TACC1: variants seen among roughly 807,000 people sequenced by gnomAD.
TACC1 encodes transforming acidic coiled-coil-containing protein 1.
A neutral mutation model predicts 84.4 loss-of-function variants in TACC1; 48 were observed. The observed-to-expected ratio is 0.57, with a 90% confidence interval of 0.45 to 0.72. The LOEUF is 0.72. Among genes scored for constraint, TACC1 ranks in the 30% least tolerant of loss-of-function variants. The pLI is 0.00. For synonymous variants in TACC1, 372 were observed against 376.3 expected (o/e 0.99, Z 0.13); for missense variants, 920 against 973.0 (o/e 0.95, Z 0.72).
intron 2 of TACC1, among the ~76,000 whole-genome samples, chr8:38,814,619 T>G (rs1824997280): frequency 6.6e-6 from 1 of 152,138 alleles, no homozygotes; most frequent in Non-Finnish European, 1.5e-5. Context: ...AATGATGAAA[T>G]CACCTAATGA....
Position 38,843,348 on chromosome 8 carries a change from G to A in TACC1, c.2181G>A (p.Glu727=), listed in dbSNP as rs1198546561. 4 of 1,609,678 alleles carry A rather than the reference G, an allele frequency of 2.5e-6. No homozygotes were observed. The highest frequency in any genetic ancestry group is 1.1e-5 in the South Asian group (1 of 90,300). ...ACTTAGCCAGAGTTAAACAAGAGGAGCAGCGATACCAGGCCCTGAAAATCC... is the reference window on the plus strand; with the variant it reads ...ACTTAGCCAGAGTTAAACAAGAGGAACAGCGATACCAGGCCCTGAAAATCC... ...QDYLARVKQE[E]QRYQALKIHA... is the part of the protein sequence containing the mutation. Residue 727 remains glutamate, a synonymous_variant, in exon 11 of 13, where the codon GAG becomes GAA. Transcript: ENST00000317827.
chr8:38,801,996 C>T (rs373601161), intron 2 of TACC1, among the ~76,000 whole-genome samples: 1 of 152,220 alleles, frequency 6.6e-6, no homozygotes, highest in Non-Finnish European at 1.5e-5. Context: ...TCACTGCAGC[C>T]TCAACCTCCC....
chr8:38,787,387 G>A lies in TACC1; in HGVS notation c.-196G>A, dbSNP rs1817484003. On this transcript the variant is annotated 5_prime_UTR_variant, in exon 1 of 13. Transcript: ENST00000317827. ...CCGCACCGTGAGGGGAGGAGGCCGA[G>A]GAGGACGCAGCGCCGGCTGCCGGCG... 4.4e-6 allele frequency: 6 copies of A among 1,354,214 alleles called. No homozygotes were observed. Among genetic ancestry groups the A allele is most frequent in the Admixed American group, 4.0e-5 (1 of 25,316 alleles). The allele number at this position is 1,354,214 out of a possible 1,614,324, so 83.9% of individuals were successfully genotyped here. A position where few individuals can be genotyped will look rare whatever the true frequency, so the allele number is the denominator to read the frequency against.
At chr8:38,831,895 C>T (rs1012605061) in intron 6 of TACC1, among the ~76,000 whole-genome samples, 1 of 152,024 alleles carries the variant, frequency 6.6e-6, no homozygotes, top group African/African-American at 2.4e-5. Flanking sequence ...CAACCTCCAC[C>T]TACTGGGTTC....
intron 3 of TACC1, among the ~76,000 whole-genome samples, chr8:38,759,468 G>A (rs1193826418): frequency 6.6e-6 from 1 of 152,232 alleles, no homozygotes; most frequent in East Asian, 1.9e-4. Flanking sequence ...GTAGGGTTCA[G>A]TTGTTAGGGT....
intron 11 of TACC1, chr8:38,846,456 T>A (rs535931856): frequency 9.3e-6 from 3 of 321,750 alleles, no homozygotes; most frequent in Non-Finnish European, 1.1e-5. Flanking sequence ...AAAAAAAAAA[T>A]CTAAGACTGT....
At chr8:38,742,966 T>C (rs1807366442) in intron 2 of TACC1, among the ~76,000 whole-genome samples, 1 of 152,198 alleles carries the variant, frequency 6.6e-6, no homozygotes, top group Non-Finnish European at 1.5e-5. Flanking sequence ...TCACCTGTCT[T>C]GACCTCCCAA....
At chr8:38,764,369 C>T (rs1191623753) in intron 3 of TACC1, among the ~76,000 whole-genome samples, 2 of 150,098 alleles carry the variant, frequency 1.3e-5, no homozygotes, top group Admixed American at 6.7e-5. Flanking sequence ...TGAGCCACTG[C>T]GCCTGGCCCA....
At chr8:38,774,342 C>T (rs1814353038) in intron 3 of TACC1, among the ~76,000 whole-genome samples, 1 of 152,128 alleles carries the variant, frequency 6.6e-6, no homozygotes, top group South Asian at 2.1e-4. Flanking sequence ...TCTATGAGGG[C>T]AGGAACTGGG....
At position 38,847,930 on chromosome 8, in the gene TACC1, C is replaced by T. The variant is rs917317856; in HGVS notation, c.2350-25C>T. 9 of 1,605,090 alleles carry T rather than the reference C, an allele frequency of 5.6e-6. No homozygotes were observed. In the African/African-American group the frequency reaches 1.2e-4, roughly 21 times the overall value. ...TTATTTCAGAATACAAAGTGGCCTG[C>T]ATAATTATGTCATTTGTCTTTCAGA... On this transcript the variant is annotated intron_variant, in intron 12 of 12. Coordinates refer to ENST00000317827, the MANE Select transcript of TACC1 (RefSeq NM_006283.3).
At chr8:38,781,331 G>A (rs1391821839) in intron 3 of TACC1, among the ~76,000 whole-genome samples, 1 of 151,910 alleles carries the variant, frequency 6.6e-6, no homozygotes, top group East Asian at 1.9e-4. Flanking sequence ...TTTTATTTTG[G>A]AGGTGGGGAA....
Position 38,819,825 on chromosome 8 carries a change from A to C in TACC1, c.581A>C (p.Glu194Ala). The change falls in exon 3 of 13, where the codon GAG (glutamate) becomes GCG (alanine). Residue 194 changes from glutamate to alanine, a missense_variant. By Grantham distance (107) the Glu-to-Ala change is moderately radical. Around this residue, in one of 2 missense-constraint regions of TACC1, gnomAD observed 762 missense variants for 747.3 expected, o/e 1.02. Coordinates refer to ENST00000317827, the MANE Select transcript of TACC1 (RefSeq NM_006283.3). ...AGCCCGCCAGACGCCCTCCAGGACG[A>C]GGCGATGACAGAAGGCAGCATGGGG... ...PSSPPDALQD[E>A]AMTEGSMGVT... 6.2e-7 allele frequency: 1 copy of C among 1,613,956 alleles called. No homozygotes were observed. The highest frequency in any genetic ancestry group is 8.5e-7 in the Non-Finnish European group (1 of 1,180,038).
intron 8 of TACC1, among the ~76,000 whole-genome samples, chr8:38,838,924 TCTCA>T (rs1588125033): frequency 6.6e-6 from 1 of 151,714 alleles, no homozygotes; most frequent in East Asian, 1.9e-4. Flanking sequence ...TGAGGCAGGG[TCTCA>T]CTCTGTCATC....
Position 38,730,466 on chromosome 8 carries a change from A to G in TACC1, c.-675+1795A>G, listed in dbSNP as rs948798839. Among the ~76,000 whole-genome samples the G allele has an allele frequency of 2.0e-5, 3 of 152,254 alleles. No individual in the cohort carries two copies. The South Asian group carries it at 6.2e-4, about 31-fold the overall frequency. On this transcript the variant is annotated intron_variant, in intron 1 of 14. Coordinates refer to the TACC1 transcript ENST00000518415. ...ATTATTGATCTTCCTTTATGATAACAGATTACTTATTGAGCCAGGCATGGG... is the reference window on the plus strand; with the variant it reads ...ATTATTGATCTTCCTTTATGATAACGGATTACTTATTGAGCCAGGCATGGG...
upstream of TACC1, among the ~76,000 whole-genome samples, chr8:38,782,809 C>T (rs1218128187): frequency 6.6e-6 from 1 of 152,062 alleles, no homozygotes; most frequent in African/African-American, 2.4e-5. Flanking sequence ...TTGTTTTCAA[C>T]TTTGGATTTG....
chr8:38,796,321 C>G lies in TACC1; in HGVS notation c.277+7502C>G, dbSNP rs562075884. Among the ~76,000 whole-genome samples, 4 of 152,240 alleles carry G rather than the reference C, an allele frequency of 2.6e-5. 1 individual carries two copies. The highest frequency in any genetic ancestry group is 6.8e-3 in the Middle Eastern group (2 of 294). On this transcript the variant is annotated intron_variant, in intron 2 of 12. Coordinates refer to ENST00000317827, the MANE Select transcript of TACC1 (RefSeq NM_006283.3). ...GGAACATATTATACAGCTTTTCTCTCCAGGAAATTTGTGAATCCCTCTCTG... is the reference window on the plus strand; with the variant it reads ...GGAACATATTATACAGCTTTTCTCTGCAGGAAATTTGTGAATCCCTCTCTG...
intron 3 of TACC1, among the ~76,000 whole-genome samples, chr8:38,759,070 A>G (rs1399346892): frequency 6.6e-6 from 1 of 152,228 alleles, no homozygotes; most frequent in Non-Finnish European, 1.5e-5. Flanking sequence ...AAGTCGATTT[A>G]ACTTTCAAAA....
chr8:38,757,216 C>T, intron 3 of TACC1: 1 of 254,332 alleles, frequency 3.9e-6, no homozygotes, highest in South Asian at 3.1e-5. Context: ...GGCGCCCCAC[C>T]CCGCCCTCCC....
intron 3 of TACC1, among the ~76,000 whole-genome samples, chr8:38,777,902 C>A (rs767319248): frequency 2.0e-5 from 3 of 152,266 alleles, no homozygotes; most frequent in Non-Finnish European, 4.4e-5. Flanking sequence ...GAGAAGGAAA[C>A]GTGGCCTCTT....
Sources: gnomAD v4.1 joint callset for allele counts (sites outside exome capture counted in the v4.1 genomes callset) on GRCh38, gnomAD v4.1.1 for gene constraint, gnomAD v4.1.1 regional missense constraint, MANE v1.5 for transcripts, NCBI Gene and HGNC (gene_info 2026-07-23, HGNC 2026-07-21) for gene names.